Variants in DRC2 observed in about 807,000 individuals in gnomAD.
The protein encoded by DRC2 is dynein regulatory complex subunit 2.
the DRC2 span, chr12:48,918,911 A>G: frequency 3.0e-6 from 4 of 1,344,184 alleles, no homozygotes; most frequent in Non-Finnish European, 4.0e-6. Context: ...AAGGTAACAC[A>G]GGGGAGAGGA....
chr12:48,920,204 G>A, the DRC2 span, among the ~76,000 whole-genome samples: 32 of 150,572 alleles, frequency 2.1e-4, no homozygotes, highest in South Asian at 5.3e-3. Context: ...CACTTTGGGA[G>A]GCCGAGGCAG....
the DRC2 span, chr12:48,917,120 G>A: frequency 9.1e-5 from 147 of 1,613,632 alleles, no homozygotes; most frequent in African/African-American, 1.9e-3. Context: ...TACGGAGGGA[G>A]AGTAGATAGG....
the DRC2 span, among the ~76,000 whole-genome samples, chr12:48,911,948 G>C: frequency 6.6e-6 from 1 of 150,770 alleles, no homozygotes; most frequent in Non-Finnish European, 1.5e-5. Flanking sequence ...GTATCCTCCA[G>C]TGATAACTGA....
the DRC2 span, chr12:48,921,539 T>C: frequency 7.4e-6 from 11 of 1,486,240 alleles, no homozygotes; most frequent in South Asian, 1.1e-4. Context: ...TTTTGAGAAA[T>C]GTAGGGATGT....
chr12:48,918,778 C>T, the DRC2 span: 1 of 1,614,110 alleles, frequency 6.2e-7, no homozygotes, highest in Non-Finnish European at 8.5e-7. Context: ...GGAATTGGTC[C>T]TTGTACAACT....
the DRC2 span, chr12:48,918,990 C>G: frequency 1.1e-6 from 1 of 948,150 alleles, no homozygotes; most frequent in African/African-American, 1.6e-5. Context: ...ATAGCGGGGG[C>G]TTCTTCCTGC....
At chr12:48,904,477 C>T in the DRC2 span, 1 of 1,613,476 alleles carries the variant, frequency 6.2e-7, no homozygotes, top group South Asian at 1.1e-5. Context: ...AGGTGATGGC[C>T]TTTTGCATTA....
the DRC2 span, chr12:48,918,749 G>C: frequency 1.2e-6 from 2 of 1,614,062 alleles, no homozygotes; most frequent in Non-Finnish European, 1.7e-6. Context: ...GATGAGAACC[G>C]GTATATCCGT....
chr12:48,918,675 G>A, the DRC2 span: 32 of 1,612,238 alleles, frequency 2.0e-5, no homozygotes, highest in East Asian at 6.9e-4. Flanking sequence ...AATCTACTCT[G>A]TTCCTCTAGG....
the DRC2 span, chr12:48,920,915 T>C: frequency 3.7e-6 from 6 of 1,602,388 alleles, no homozygotes; most frequent in Non-Finnish European, 5.1e-6. Flanking sequence ...TAAACTCTCT[T>C]CCCGCTTCAA....
chr12:48,904,502 C>G, the DRC2 span: 1 of 1,602,652 alleles, frequency 6.2e-7, no homozygotes, highest in Non-Finnish European at 8.5e-7. Context: ...CTGCTCAACC[C>G]CATCCACCCC....
the DRC2 span, among the ~76,000 whole-genome samples, chr12:48,912,044 G>A: frequency 6.6e-6 from 1 of 151,906 alleles, no homozygotes; most frequent in Non-Finnish European, 1.5e-5. Flanking sequence ...CGGATCACGA[G>A]GTCAGGAGTT....
the DRC2 span, chr12:48,921,385 T>G: frequency 6.2e-7 from 1 of 1,614,060 alleles, no homozygotes; most frequent in East Asian, 2.2e-5. Flanking sequence ...AGCAACTTAC[T>G]CCAGCCCTTG....
the DRC2 span, among the ~76,000 whole-genome samples, chr12:48,920,574 T>C: frequency 1.4e-5 from 2 of 139,216 alleles, no homozygotes; most frequent in Admixed American, 7.5e-5. Context: ...CAGGCTGGAG[T>C]GTGGTGGCAC....
At chr12:48,918,589 G>A in the DRC2 span, 1 of 1,489,120 alleles carries the variant, frequency 6.7e-7, no homozygotes, top group Non-Finnish European at 9.2e-7. Flanking sequence ...AAGATGATAT[G>A]CTCTGATTTC....
At chr12:48,918,409 G>A in the DRC2 span, 1 of 1,614,182 alleles carries the variant, frequency 6.2e-7, no homozygotes, top group Admixed American at 1.7e-5. Context: ...AGACCCTGCA[G>A]GTGAAGGATG....
At chr12:48,908,630 A>C in the DRC2 span, among the ~76,000 whole-genome samples, 1 of 146,306 alleles carries the variant, frequency 6.8e-6, no homozygotes. Context: ...TTTTATTTTT[A>C]GACAGAGTCA....
chr12:48,914,553 C>G, the DRC2 span: 1 of 1,613,974 alleles, frequency 6.2e-7, no homozygotes, highest in Non-Finnish European at 8.5e-7. Context: ...AAGCCCTAAC[C>G]AAGGAGTTTG....
the DRC2 span, among the ~76,000 whole-genome samples, chr12:48,906,294 C>T: frequency 6.6e-6 from 1 of 151,372 alleles, no homozygotes; most frequent in Non-Finnish European, 1.5e-5. Flanking sequence ...ACCAGTTACA[C>T]CTTATGGATT....
Sources: gnomAD v4.1 joint callset for allele counts (sites outside exome capture counted in the v4.1 genomes callset) on GRCh38, gnomAD v4.1.1 for gene constraint, MANE v1.5 for transcripts, NCBI Gene and HGNC (gene_info 2026-07-23, HGNC 2026-07-21) for gene names.